Variants in TC2N observed in about 807,000 individuals in gnomAD.
The protein encoded by TC2N is tandem C2 domains nuclear protein.
A neutral mutation model predicts 61.9 loss-of-function variants in TC2N; 51 were observed. The observed-to-expected ratio is 0.82, with a 90% CI of 0.66 to 1.04. The LOEUF is 1.04. Ranked by LOEUF, TC2N falls within the 50% of genes least tolerant of loss-of-function variation. The pLI is 0.00. For missense variants in TC2N, 556 were observed against 566.7 expected (o/e 0.98, Z 0.19); for synonymous variants, 204 against 192.6 (o/e 1.06, Z -0.49).
Position 91,781,281 on chromosome 14 carries a change from G to A in TC2N, c.*1819C>T, listed in dbSNP as rs977750438. The A allele has an allele frequency of 6.6e-6, 1 of 152,042 alleles. No individual in the cohort carries two copies. Among genetic ancestry groups the A allele is most frequent in the African/African-American group, 2.4e-5 (1 of 41,412 alleles). The allele number at this position is 152,042 out of a possible 1,614,324, so 9.4% of individuals were successfully genotyped here. A position where few individuals can be genotyped will look rare whatever the true frequency, so the allele number is the denominator to read the frequency against. The stretch of plus-strand genomic sequence containing the variant: ...TAAAATAGTTGCATTTGCAGAGGAT[G>A]TTTAGGGCAGCGAAACTATACTATA... On this transcript the variant is annotated 3_prime_UTR_variant, in exon 12 of 12. Transcript: ENST00000435962.
chr14:91,808,218 T>C (rs1183343043), intron 3 of TC2N, among the ~76,000 whole-genome samples: 4 of 152,196 alleles, frequency 2.6e-5, no homozygotes, highest in Non-Finnish European at 4.4e-5. Context: ...TTTTATACCA[T>C]ATTTTTACTG....
chr14:91,826,136 T>C (rs1204680541), intron 1 of TC2N, among the ~76,000 whole-genome samples: 1 of 151,988 alleles, frequency 6.6e-6, no homozygotes, highest in African/African-American at 2.4e-5. Context: ...CTGTACAATA[T>C]AGGGAGACCC....
chr14:91,854,004 T>C (rs1888429936), intron 1 of TC2N, among the ~76,000 whole-genome samples: 1 of 152,188 alleles, frequency 6.6e-6, no homozygotes, highest in African/African-American at 2.4e-5. Context: ...TACAGAGTTT[T>C]AAAAACTGAT....
At chr14:91,794,499 C>G (rs1316109058) in intron 8 of TC2N, among the ~76,000 whole-genome samples, 4 of 152,176 alleles carry the variant, frequency 2.6e-5, no homozygotes, top group Non-Finnish European at 4.4e-5. Context: ...GAAGCCAACA[C>G]TCACTTACCG....
At chr14:91,851,502 G>A (rs1027222191) in intron 1 of TC2N, among the ~76,000 whole-genome samples, 2 of 152,144 alleles carry the variant, frequency 1.3e-5, no homozygotes, top group Admixed American at 6.5e-5. Flanking sequence ...CTCTAGAGCT[G>A]TTTGATGCTG....
chr14:91,853,663 C>A (rs76587499), intron 1 of TC2N, among the ~76,000 whole-genome samples: 7 of 40,068 alleles, frequency 1.7e-4, no homozygotes, highest in African/African-American at 5.3e-4. Flanking sequence ...CACACACACA[C>A]ACACACACAC....
intron 1 of TC2N, among the ~76,000 whole-genome samples, chr14:91,852,323 C>G (rs903240830): frequency 1.3e-5 from 2 of 151,998 alleles, no homozygotes; most frequent in African/African-American, 4.8e-5. Flanking sequence ...CCCAGCTACT[C>G]GGGAGGCTGA....
chr14:91,862,339 C>CAA (rs56816512), intron 1 of TC2N, among the ~76,000 whole-genome samples: 31 of 106,456 alleles, frequency 2.9e-4, no homozygotes, highest in African/African-American at 7.4e-4. Flanking sequence ...GACTCTGTCT[C>CAA]AAAAAAAAAA....
At position 91,817,668 on chromosome 14, in the gene TC2N, T is replaced by C. The variant is rs138808499; in HGVS notation, c.-56-3843A>G. Among the ~76,000 whole-genome samples the C allele has an allele frequency of 1.8e-4, 27 of 152,122 alleles. No individual in the cohort carries two copies. The East Asian group carries it at 4.5e-3, about 25-fold the overall frequency. On this transcript the variant is annotated intron_variant, in intron 1 of 11. Transcript: ENST00000435962. Reference sequence around the variant, plus strand: ...CATCAAACCACATCTCTGACCCCAATCAGTTTGCAAATATTTAACATTAAC... The same window carrying C: ...CATCAAACCACATCTCTGACCCCAACCAGTTTGCAAATATTTAACATTAAC...
At chr14:91,836,429 C>T (rs1276109036) in intron 1 of TC2N, 1 of 152,252 alleles carries the variant, frequency 6.6e-6, no homozygotes, top group Non-Finnish European at 1.5e-5. Flanking sequence ...ACTCCGGTCA[C>T]CTCGCGCGGC....
chr14:91,838,941 G>A (rs980965254), intron 1 of TC2N, among the ~76,000 whole-genome samples: 7 of 152,036 alleles, frequency 4.6e-5, no homozygotes, highest in South Asian at 2.1e-4. Flanking sequence ...CAAAAGGATC[G>A]TCCTCAAAAT....
chr14:91,822,367 T>C (rs182332857), intron 1 of TC2N, among the ~76,000 whole-genome samples: 2 of 152,274 alleles, frequency 1.3e-5, no homozygotes, highest in Non-Finnish European at 2.9e-5. Context: ...TCAAAATAAT[T>C]ATGCTGGGCA....
intron 1 of TC2N, among the ~76,000 whole-genome samples, chr14:91,833,738 G>A (rs1035294484): frequency 1.3e-5 from 2 of 151,912 alleles, no homozygotes; most frequent in East Asian, 1.9e-4. Flanking sequence ...TTTTACTTTC[G>A]CAGACAATGC....
In TC2N at chr14:91,800,266, A is replaced by G; in HGVS notation, c.561+15T>C. On this transcript the variant is annotated intron_variant, in intron 5 of 11. Transcript: ENST00000435962. ...GAAATTATCACATATAATTAAATTT[A>G]TGTAGATAATTCACCTGGATGAATC... The G allele has an allele frequency of 6.7e-7, 1 of 1,487,394 alleles. No homozygotes were observed. The highest frequency in any genetic ancestry group is 2.3e-5 in the East Asian group (1 of 43,250). The allele number at this position is 1,487,394 out of a possible 1,614,324, so 92.1% of individuals were successfully genotyped here.
chr14:91,840,078 C>T (rs1295464955), intron 1 of TC2N, among the ~76,000 whole-genome samples: 2 of 152,194 alleles, frequency 1.3e-5, no homozygotes, highest in African/African-American at 4.8e-5. Flanking sequence ...TCCATGACAA[C>T]CTTGGACTAA....
intron 1 of TC2N, among the ~76,000 whole-genome samples, chr14:91,818,756 G>C (rs559003414): frequency 3.3e-5 from 5 of 152,078 alleles, no homozygotes; most frequent in Admixed American, 6.6e-5. Context: ...TACTGGATGG[G>C]ATTAATACCA....
intron 1 of TC2N, among the ~76,000 whole-genome samples, chr14:91,850,201 TTA>T (rs1453828449): frequency 6.7e-6 from 1 of 150,262 alleles, no homozygotes; most frequent in Non-Finnish European, 1.5e-5. Context: ...AAAGGGATAA[TTA>T]TAATTGTTGC....
At chr14:91,833,589 C>T (rs1453942941) in intron 1 of TC2N, among the ~76,000 whole-genome samples, 2 of 152,168 alleles carry the variant, frequency 1.3e-5, no homozygotes, top group African/African-American at 4.8e-5. Flanking sequence ...AAAGTTTCCT[C>T]ATACTCCTTT....
Position 91,785,359 on chromosome 14 carries a change from A to G in TC2N, c.1165T>C (p.Phe389Leu). 6.2e-7 allele frequency: 1 copy of G among 1,611,816 alleles called. No individual in the cohort carries two copies. Among genetic ancestry groups the G allele is most frequent in the Non-Finnish European group, 8.5e-7 (1 of 1,178,848 alleles). ...PSSSTPLTLS[F>L]FVKVGMFSSG... ...CTAAACATTCCCACCTTCACGAAAA[A>G]ACCTAAAAAATTAGAAATATTGGTT... The change falls in exon 11 of 12, where the codon TTT becomes CTT. Residue 389 changes from phenylalanine to leucine, a missense_variant and splice_region_variant. Transcript: ENST00000435962.
Sources: gnomAD v4.1 joint callset for allele counts (sites outside exome capture counted in the v4.1 genomes callset) on GRCh38, gnomAD v4.1.1 for gene constraint, MANE v1.5 for transcripts, NCBI Gene and HGNC (gene_info 2026-07-23, HGNC 2026-07-21) for gene names.